The following DSTYK variants were observed in gnomAD, a reference collection of about 807,000 sequenced individuals.
DSTYK encodes dual serine/threonine and tyrosine protein kinase, also known as RIP-homologous kinase.
DSTYK carries 34 observed loss-of-function variants against 98.7 expected under a neutral mutation model. The ratio of observed to expected loss-of-function variants is 0.34; its 90% CI spans 0.26 to 0.46. DSTYK has a LOEUF of 0.46. DSTYK is among the 20% of genes least tolerant of loss of function. The pLI is 1.00. For missense variants in DSTYK, 962 were observed against 1,181.7 expected (o/e 0.81, Z 2.73); for synonymous variants, 462 against 457.3 (o/e 1.01, Z -0.13).
At chr1:205,172,687 G>C (rs1233741351) in intron 2 of DSTYK, among the ~76,000 whole-genome samples, 1 of 152,034 alleles carries the variant, frequency 6.6e-6, no homozygotes, top group African/African-American at 2.4e-5. Flanking sequence ...AAAGAACTAT[G>C]CTATATTCTC....
At chr1:205,176,731 C>G (rs1006850830) in intron 2 of DSTYK, among the ~76,000 whole-genome samples, 16 of 152,130 alleles carry the variant, frequency 1.1e-4, no homozygotes, top group African/African-American at 3.9e-4. Flanking sequence ...GCATGTGCCA[C>G]TGTGCCCAGC....
intron 1 of DSTYK, among the ~76,000 whole-genome samples, chr1:205,209,180 C>T (rs564865514): frequency 7.9e-5 from 12 of 152,262 alleles, no homozygotes; most frequent in Admixed American, 2.6e-4. Flanking sequence ...TTGAAAACCT[C>T]CATCTCTCTG....
At chr1:205,151,791 T>C (rs1201399765) in intron 10 of DSTYK, among the ~76,000 whole-genome samples, 1 of 151,980 alleles carries the variant, frequency 6.6e-6, no homozygotes, top group African/African-American at 2.4e-5. Flanking sequence ...TCTATATCAC[T>C]GTCTTCCACC....
At chr1:205,186,494 T>C (rs1658561687) in intron 2 of DSTYK, among the ~76,000 whole-genome samples, 1 of 151,896 alleles carries the variant, frequency 6.6e-6, no homozygotes, top group African/African-American at 2.4e-5. Flanking sequence ...AGAAGTGGGG[T>C]AGATGAAGTG....
rs967070643 is a variant in DSTYK at position 205,143,366 on chromosome 1, C to G, written c.*4192G>C. On this transcript the variant is annotated 3_prime_UTR_variant, in exon 13 of 13. Coordinates refer to ENST00000367162, the MANE Select transcript of DSTYK (RefSeq NM_015375.3). ...TTTCACCATGTTACCAGGCTGGTCT[C>G]GAACTCCTGACCTCAGGTTTTAAAA... 1 of 152,028 alleles carries G rather than the reference C, an allele frequency of 6.6e-6. No individual in the cohort carries two copies. Among genetic ancestry groups the G allele is most frequent in the African/African-American group, 2.4e-5 (1 of 41,386 alleles). The allele number at this position is 152,028 out of a possible 1,614,324, so 9.4% of individuals were successfully genotyped here. A position where few individuals can be genotyped will look rare whatever the true frequency, so the allele number is the denominator to read the frequency against.
At chr1:205,151,043 C>CTG (rs1657387988) in intron 10 of DSTYK, among the ~76,000 whole-genome samples, 1 of 152,188 alleles carries the variant, frequency 6.6e-6, no homozygotes, top group Admixed American at 6.5e-5. Flanking sequence ...CAGCGTATTA[C>CTG]TGTACTGAAT....
chr1:205,167,969 G>A lies in DSTYK; in HGVS notation c.1324+1194C>T, dbSNP rs143362226. ...TACAAAAAAAAATTTAGCCGGGAAC[G>A]GTGGCACACGCCTGTAATCCCAGTT... On this transcript the variant is annotated intron_variant, in intron 3 of 12. Transcript: ENST00000367162. Among the ~76,000 whole-genome samples, 65 of 152,282 alleles carry A rather than the reference G, an allele frequency of 4.3e-4. No individual in the cohort carries two copies. The East Asian group carries it at 7.7e-3, about 18-fold the overall frequency.
intron 2 of DSTYK, among the ~76,000 whole-genome samples, chr1:205,177,652 AG>A: frequency 6.6e-6 from 1 of 152,240 alleles, no homozygotes; most frequent in East Asian, 1.9e-4. Flanking sequence ...GAATCACTTA[AG>A]GTCAGGAGTT....
At chr1:205,195,794 TG>T (rs1441138611) in intron 1 of DSTYK, among the ~76,000 whole-genome samples, 4 of 152,226 alleles carry the variant, frequency 2.6e-5, no homozygotes, top group African/African-American at 9.7e-5. Context: ...TGATACTCCC[TG>T]GGAGCCACGT....
intron 10 of DSTYK, among the ~76,000 whole-genome samples, chr1:205,151,466 TTTG>T (rs142504789): frequency 9.2e-5 from 14 of 151,994 alleles, no homozygotes; most frequent in Admixed American, 3.3e-4. Flanking sequence ...ATAGTGGCTT[TTTG>T]TTGTTGTTGT....
chr1:205,204,455 TACACACACAC>T (rs56294352), intron 1 of DSTYK, among the ~76,000 whole-genome samples: 12 of 148,758 alleles, frequency 8.1e-5, no homozygotes, highest in African/African-American at 2.5e-4. Context: ...ATGCTCACCA[TACACACACAC>T]ACACACACAC....
intron 2 of DSTYK, among the ~76,000 whole-genome samples, chr1:205,181,537 T>C (rs985164922): frequency 1.3e-5 from 2 of 152,022 alleles, no homozygotes; most frequent in Non-Finnish European, 2.9e-5. Flanking sequence ...GTATTTTTAA[T>C]AGTGACAGGG....
At chr1:205,193,940 T>A (rs1433218391) in intron 1 of DSTYK, among the ~76,000 whole-genome samples, 1 of 151,470 alleles carries the variant, frequency 6.6e-6, no homozygotes. Flanking sequence ...CTAGAAAGGT[T>A]GCTCTCTTTT....
intron 11 of DSTYK, among the ~76,000 whole-genome samples, chr1:205,149,178 G>A (rs956080683): frequency 6.6e-6 from 1 of 151,678 alleles, no homozygotes; most frequent in African/African-American, 2.4e-5. Context: ...CTGGGATTAC[G>A]ACATGAGCCA....
At chr1:205,162,327 G>A in intron 5 of DSTYK, 115 bp from the exon 6 acceptor site, 1 of 1,252,428 alleles carries the variant, frequency 8.0e-7, no homozygotes, top group Non-Finnish European at 1.1e-6. Flanking sequence ...CTCATAAGAT[G>A]GGAGCCATAC....
chr1:205,166,632 T>C (rs984119277), intron 3 of DSTYK, among the ~76,000 whole-genome samples: 3 of 152,210 alleles, frequency 2.0e-5, no homozygotes, highest in Admixed American at 6.5e-5. Flanking sequence ...TTCTGTGTAA[T>C]ATGATGCCGG....
chr1:205,197,262 A>C (rs1353132511), intron 1 of DSTYK, among the ~76,000 whole-genome samples: 2 of 152,170 alleles, frequency 1.3e-5, no homozygotes, highest in African/African-American at 4.8e-5. Flanking sequence ...TGATCATAGA[A>C]GCACATCCTT....
chr1:205,190,615 CAAAAA>C (rs760042971), intron 1 of DSTYK, among the ~76,000 whole-genome samples: 6 of 71,912 alleles, frequency 8.3e-5, no homozygotes, highest in Non-Finnish European at 1.5e-4. Flanking sequence ...GACTCCATCT[CAAAAA>C]AAAAAAAAAA....
intron 2 of DSTYK, among the ~76,000 whole-genome samples, chr1:205,182,914 T>C (rs1201894068): frequency 6.6e-6 from 1 of 151,584 alleles, no homozygotes; most frequent in Non-Finnish European, 1.5e-5. Context: ...CTGGTGGGGA[T>C]AAACAGGCTA....
Sources: gnomAD v4.1 joint callset for allele counts (sites outside exome capture counted in the v4.1 genomes callset) on GRCh38, gnomAD v4.1.1 for gene constraint, MANE v1.5 for transcripts, NCBI Gene and HGNC (gene_info 2026-07-23, HGNC 2026-07-21) for gene names.